SLC30A6: variants seen among roughly 807,000 people sequenced by gnomAD.
SLC30A6 encodes solute carrier family 30 member 6, also known as zinc transporter 6.
A neutral mutation model predicts 63.0 loss-of-function variants in SLC30A6; 55 were observed. The observed-to-expected ratio is 0.87, with a 90% CI of 0.70 to 1.09. SLC30A6 has a LOEUF of 1.09. SLC30A6 is among the 50% of genes least tolerant of loss of function. The pLI, the probability that SLC30A6 is intolerant of heterozygous loss-of-function variation, is 0.00. For synonymous variants in SLC30A6, 224 were observed against 186.1 expected, an observed-to-expected ratio of 1.20 and a Z score of -1.66; for missense variants, 587 against 549.2, an observed-to-expected ratio of 1.07 and a Z score of -0.69.
intron 4 of SLC30A6, among the ~76,000 whole-genome samples, chr2:32,175,924 G>A (rs369017540): frequency 1.3e-5 from 2 of 152,156 alleles, no homozygotes; most frequent in African/African-American, 2.4e-5. Flanking sequence ...AGTGAGCCGA[G>A]ATTGTGCCAC....
In SLC30A6 at chr2:32,165,898, A is replaced by G. The variant is rs368823104; in HGVS notation, c.-3A>G. 66 of 1,613,946 alleles carry G rather than the reference A, an allele frequency of 4.1e-5. No homozygotes were observed. Among genetic ancestry groups the G allele is most frequent in the Non-Finnish European group, 4.7e-5 (56 of 1,180,000 alleles). On this transcript the variant is annotated 5_prime_UTR_variant, in exon 1 of 14. Coordinates refer to ENST00000282587, the MANE Select transcript of SLC30A6 (RefSeq NM_017964.5). ...TCCGGCGGGAGCTGTGCAGCTCCTT[A>G]TCATGGTGAGTTGGCTGTTGGGGTG...
chr2:32,177,852 C>T (rs780414219), intron 4 of SLC30A6, among the ~76,000 whole-genome samples: 18 of 151,482 alleles, frequency 1.2e-4, no homozygotes, highest in Non-Finnish European at 2.6e-4. Context: ...TGGTCTCGAA[C>T]TCCCAAACTC....
At position 32,206,309 on chromosome 2, in the gene SLC30A6, G is replaced by A. The variant is rs571675824; in HGVS notation, c.769-577G>A. Among the ~76,000 whole-genome samples, 14 of 152,194 alleles carry A rather than the reference G, an allele frequency of 9.2e-5. No homozygotes were observed. The South Asian group carries it at 2.9e-3, about 32-fold the overall frequency. On this transcript the variant is annotated intron_variant, in intron 11 of 13. Transcript: ENST00000282587. ...AAAATGCAAAAAATTAGCCGGGCAT[G>A]GTGGCGAGTGCCTGTAGTCCCAGCT...
At chr2:32,212,389 A>G (rs1029321371) in intron 13 of SLC30A6, among the ~76,000 whole-genome samples, 13 of 151,702 alleles carry the variant, frequency 8.6e-5, no homozygotes, top group African/African-American at 3.1e-4. Context: ...TTCTTACATA[A>G]CTTTGTGTGG....
chr2:32,204,651 A>G lies in SLC30A6; in HGVS notation c.727A>G (p.Met243Val), dbSNP rs774831584. Residue 243 changes from methionine (M) to valine (V), a missense_variant, in exon 11 of 14, where the codon ATG becomes GTG. Physicochemically the swap from Met to Val is conservative, Grantham distance 21 (BLOSUM62 1). Transcript: ENST00000282587. The part of the protein sequence containing the change: ...IAIALMTFGT[M>V]YPMSVYSGKV... ...TATTGCCTTGATGACATTTGGCACTATGTATCCCATGAGTGTGTACAGTGG... is the reference window on the plus strand; with the variant it reads ...TATTGCCTTGATGACATTTGGCACTGTGTATCCCATGAGTGTGTACAGTGG... 6.2e-6 allele frequency: 10 copies of G among 1,613,086 alleles called. No individual in the cohort carries two copies. The highest frequency in any genetic ancestry group is 7.6e-6 in the Non-Finnish European group (9 of 1,179,406).
At chr2:32,175,223 A>G in intron 3 of SLC30A6, 96 bp from the exon 4 acceptor site, 2 of 1,188,244 alleles carry the variant, frequency 1.7e-6, no homozygotes, top group Non-Finnish European at 1.2e-6. Context: ...AGTTTTTTTG[A>G]TAATGGATAC....
chr2:32,215,314 C>T (rs1169667741), intron 13 of SLC30A6, among the ~76,000 whole-genome samples: 1 of 151,952 alleles, frequency 6.6e-6, no homozygotes, highest in Non-Finnish European at 1.5e-5. Flanking sequence ...CACACCTCAG[C>T]CTCCCAAGTA....
chr2:32,190,602 A>G (rs908560314), intron 5 of SLC30A6, among the ~76,000 whole-genome samples: 2 of 152,108 alleles, frequency 1.3e-5, no homozygotes, highest in African/African-American at 2.4e-5. Flanking sequence ...TTGATTTTTC[A>G]TATTTAATCC....
At chr2:32,197,614 G>T in intron 9 of SLC30A6, 93 bp from the exon 10 acceptor site, 1 of 1,552,536 alleles carries the variant, frequency 6.4e-7, no homozygotes, top group South Asian at 1.2e-5. Flanking sequence ...AGTACACTAT[G>T]TGGTACCAAA....
chr2:32,198,529 T>C (rs942294980), intron 10 of SLC30A6, among the ~76,000 whole-genome samples: 7 of 152,360 alleles, frequency 4.6e-5, no homozygotes, highest in Middle Eastern at 3.4e-3. Context: ...AGAAAAATAC[T>C]GTCATTTATG....
At chr2:32,183,463 C>CT (rs1682523796) in intron 4 of SLC30A6, among the ~76,000 whole-genome samples, 1 of 151,954 alleles carries the variant, frequency 6.6e-6, no homozygotes, top group African/African-American at 2.4e-5. Flanking sequence ...AGGTGGATCA[C>CT]TTGAGACCAG....
intron 13 of SLC30A6, among the ~76,000 whole-genome samples, chr2:32,213,723 T>C (rs929533261): frequency 6.6e-6 from 1 of 152,150 alleles, no homozygotes; most frequent in Non-Finnish European, 1.5e-5. Flanking sequence ...TATGCCATAA[T>C]TTATTTCATA....
chr2:32,214,395 C>T (rs1685524565), intron 13 of SLC30A6: 1 of 151,908 alleles, frequency 6.6e-6, no homozygotes, highest in South Asian at 2.1e-4. Context: ...AACTACACAC[C>T]TTGAGTCTTA....
intron 2 of SLC30A6, among the ~76,000 whole-genome samples, chr2:32,173,134 T>G (rs1681383470): frequency 6.6e-6 from 1 of 152,242 alleles, no homozygotes. Flanking sequence ...AGTTCCACTC[T>G]CAGGGCTGCT....
intron 11 of SLC30A6, among the ~76,000 whole-genome samples, chr2:32,206,226 G>A (rs984851563): frequency 1.3e-5 from 2 of 151,850 alleles, no homozygotes; most frequent in African/African-American, 4.8e-5. Flanking sequence ...GTGGTTAGAT[G>A]ACGAGGTCAG....
chr2:32,171,539 G>A (rs901002631), intron 2 of SLC30A6, among the ~76,000 whole-genome samples, 166 bp downstream of exon 2: 1 of 152,060 alleles, frequency 6.6e-6, no homozygotes, highest in Admixed American at 6.6e-5. Flanking sequence ...CAGTTGTTTG[G>A]TGTTAAGTTG....
chr2:32,213,413 A>G (rs933379637), intron 13 of SLC30A6, among the ~76,000 whole-genome samples: 2 of 150,822 alleles, frequency 1.3e-5, no homozygotes, highest in Non-Finnish European at 2.9e-5. Flanking sequence ...CACTGTTGTA[A>G]TGTGCAAAAC....
rs963336473 is a variant in SLC30A6 at position 32,222,616 on chromosome 2, A to T, written c.*1903A>T. 2.0e-5 allele frequency: 3 copies of T among 152,192 alleles called. No individual in the cohort carries two copies. Among genetic ancestry groups the T allele is most frequent in the Admixed American group, 6.5e-5 (1 of 15,278 alleles). 9.4% of individuals were successfully genotyped at this position (152,192 alleles called of 1,614,324 possible). On this transcript the variant is annotated 3_prime_UTR_variant, in exon 14 of 14. Transcript: ENST00000282587. ...TGGCATCTGCAACCCCTGTTCAGGC[A>T]TGTGACCTGCTAAAGAAATACAGCC...
In SLC30A6 at chr2:32,175,299, A is replaced by AT; in HGVS notation, c.176-13dup. 4 of 1,608,132 alleles carry AT rather than the reference A, an allele frequency of 2.5e-6. No homozygotes were observed. Among genetic ancestry groups the AT allele is most frequent in the South Asian group, 2.2e-5 (2 of 90,360 alleles). On this transcript the variant is annotated intron_variant, in intron 3 of 13. Transcript: ENST00000282587. ...AGAGGGGTCAGTAATACTTTTAATCATTTTTTTGTTGTTTTGCAGCTTTAA... is the reference window on the plus strand; with the variant it reads ...AGAGGGGTCAGTAATACTTTTAATCATTTTTTTTGTTGTTTTGCAGCTTTAA...
Sources: gnomAD v4.1 joint callset for allele counts (sites outside exome capture counted in the v4.1 genomes callset) on GRCh38, gnomAD v4.1.1 for gene constraint, MANE v1.5 for transcripts, NCBI Gene and HGNC (gene_info 2026-07-23, HGNC 2026-07-21) for gene names.